ADAMTS12: variants seen among roughly 807,000 people sequenced by gnomAD.
ADAMTS12 encodes A disintegrin and metalloproteinase with thrombospondin motifs 12.
In ADAMTS12, 118 loss-of-function variants were observed where a neutral mutation model predicts 167.8. The ratio of observed to expected loss-of-function variants is 0.70; its 90% CI spans 0.61 to 0.82. ADAMTS12 has a LOEUF of 0.82. Among genes scored for constraint, ADAMTS12 ranks in the 40% least tolerant of loss-of-function variants. ADAMTS12 has a pLI of 0.00. For synonymous variants in ADAMTS12, 704 were observed against 716.9 expected, an observed-to-expected ratio of 0.98 and a Z score of 0.29; for missense variants, 1,916 against 1,998.8, an observed-to-expected ratio of 0.96 and a Z score of 0.79.
intron 5 of ADAMTS12, among the ~76,000 whole-genome samples, chr5:33,662,683 G>A (rs2112219705): frequency 2.0e-5 from 3 of 152,322 alleles, no homozygotes; most frequent in African/African-American, 7.2e-5. Flanking sequence ...GCATCTGCCT[G>A]GCTGGTAGCT....
At position 33,526,248 on chromosome 5, in the gene ADAMTS12, A is replaced by T. The variant is rs1743805324; in HGVS notation, c.*940T>A. On this transcript the variant is annotated 3_prime_UTR_variant, in exon 24 of 24. Transcript: ENST00000504830. ...GAGCTGGTCATAGTGGTCTTTGCAT[A>T]TACAGCCCCTGCAGCAAGACGATGG... 6.6e-6 allele frequency: 1 copy of T among 152,124 alleles called. No individual in the cohort carries two copies. The highest frequency in any genetic ancestry group is 1.5e-5 in the Non-Finnish European group (1 of 68,030). 9.4% of individuals were successfully genotyped at this position (152,124 alleles called of 1,614,324 possible).
chr5:33,848,172 G>A (rs1027131161), intron 2 of ADAMTS12, among the ~76,000 whole-genome samples: 2 of 151,568 alleles, frequency 1.3e-5, no homozygotes, highest in Non-Finnish European at 2.9e-5. Flanking sequence ...AGCCAAGATC[G>A]CACCACTGCA....
chr5:33,585,057 C>G (rs1035595565), intron 18 of ADAMTS12, among the ~76,000 whole-genome samples: 1 of 151,962 alleles, frequency 6.6e-6, no homozygotes, highest in African/African-American at 2.4e-5. Context: ...ATCCATCCAT[C>G]CATCCATCCA....
rs1196219893 is a variant in ADAMTS12 at position 33,704,828 on chromosome 5, T to C, written c.635-20773A>G. Among the ~76,000 whole-genome samples, 5 of 152,188 alleles carry C rather than the reference T, an allele frequency of 3.3e-5. No individual in the cohort carries two copies. The East Asian group carries it at 9.6e-4, about 29-fold the overall frequency. On this transcript the variant is annotated intron_variant, in intron 3 of 23. Transcript: ENST00000504830. ...TTGTGTCTTTTGCTGTGCAAAAGAT[T>C]TTTAGTTTGATATAGTCCCACTTGT...
Position 33,591,104 on chromosome 5 carries a change from G to C in ADAMTS12, c.2655-2295C>G, listed in dbSNP as rs72739403. ...TAAGTGTGTGTGTGTGTGTGTGTGT[G>C]TATGTGTGTGCCTATGTTTGAGATC... On this transcript the variant is annotated intron_variant, in intron 17 of 23. Coordinates refer to ENST00000504830, the MANE Select transcript of ADAMTS12 (RefSeq NM_030955.4). Among the ~76,000 whole-genome samples the C allele has an allele frequency of 1.8e-3, 271 of 148,850 alleles. 2 individuals are homozygous for C. The highest frequency in any genetic ancestry group is 6.1e-3 in the African/African-American group (242 of 39,880).
chr5:33,831,138 C>A (rs1379039804), intron 2 of ADAMTS12, among the ~76,000 whole-genome samples: 1 of 152,052 alleles, frequency 6.6e-6, no homozygotes, highest in Non-Finnish European at 1.5e-5. Context: ...TAGGCAAAAA[C>A]AATAGAGAAT....
intron 10 of ADAMTS12, 97 bp from the exon 11 acceptor site, chr5:33,642,052 C>T (rs1377432370): frequency 7.6e-7 from 1 of 1,308,692 alleles, no homozygotes. Context: ...TCTCTGCAAG[C>T]AAGCCGGCTT....
intron 2 of ADAMTS12, among the ~76,000 whole-genome samples, chr5:33,779,339 C>T (rs1287150322): frequency 6.6e-6 from 1 of 152,042 alleles, no homozygotes; most frequent in East Asian, 1.9e-4. Flanking sequence ...GTGCCTGCCA[C>T]CATGCCCAGC....
At chr5:33,657,094 T>C (rs1450615781) in intron 7 of ADAMTS12, among the ~76,000 whole-genome samples, 1 of 152,210 alleles carries the variant, frequency 6.6e-6, no homozygotes, top group Non-Finnish European at 1.5e-5. Flanking sequence ...GTCATAATAT[T>C]GGTCAGTAGA....
chr5:33,616,164 C>T, intron 14 of ADAMTS12, 92 bp from the exon 15 acceptor site: 2 of 1,509,908 alleles, frequency 1.3e-6, no homozygotes, highest in Admixed American at 2.0e-5. Context: ...CTCTTTCCAG[C>T]CTCCCCATCA....
At chr5:33,542,444 G>T (rs1387530740) in intron 22 of ADAMTS12, among the ~76,000 whole-genome samples, 1 of 152,124 alleles carries the variant, frequency 6.6e-6, no homozygotes, top group East Asian at 1.9e-4. Flanking sequence ...GTCAATATTA[G>T]ACAGATCAAG....
At chr5:33,662,388 A>T (rs747005127) in intron 5 of ADAMTS12, among the ~76,000 whole-genome samples, 13 of 152,246 alleles carry the variant, frequency 8.5e-5, no homozygotes, top group Non-Finnish European at 1.3e-4. Context: ...AAACCAATGC[A>T]ATATCAAAGA....
chr5:33,628,882 G>A (rs1456203561), intron 13 of ADAMTS12, among the ~76,000 whole-genome samples: 1 of 152,082 alleles, frequency 6.6e-6, no homozygotes, highest in Non-Finnish European at 1.5e-5. Context: ...GTCTTAACTG[G>A]CTCCCACAAA....
intron 9 of ADAMTS12, among the ~76,000 whole-genome samples, chr5:33,645,420 G>A (rs963725699): frequency 2.6e-5 from 4 of 151,892 alleles, no homozygotes; most frequent in African/African-American, 7.3e-5. Flanking sequence ...TTTGAGAATC[G>A]CGGCTTCATG....
In ADAMTS12 at chr5:33,576,613, C is replaced by A; in HGVS notation, c.3413G>T (p.Trp1138Leu). ...GLSSSRNPIT[W>L]PVTPFYNTLT... ...GGTATTGTAAAATGGAGTCACAGGC[C>A]AAGTGATAGGGTTGCGGGAAGATGA... The change falls in exon 19 of 24, where the codon TGG becomes TTG. Residue 1138 changes from tryptophan (W) to leucine (L), a missense_variant. Physicochemically the swap from Trp to Leu is moderately conservative, Grantham distance 61. Coordinates refer to ENST00000504830, the MANE Select transcript of ADAMTS12 (RefSeq NM_030955.4). The A allele has an allele frequency of 6.2e-7, 1 of 1,614,144 alleles. No individual in the cohort carries two copies. The highest frequency in any genetic ancestry group is 8.5e-7 in the Non-Finnish European group (1 of 1,180,042).
chr5:33,616,037 T>C lies in ADAMTS12; in HGVS notation c.2179A>G (p.Arg727Gly). ...TCAATTTCCATCACTCTTATGTCCC[T>C]TGCTCCTTTTGGAATGAGCCCAATG... ...VDIGLIPKGA[R>G]DIRVMEIEGA... Residue 727 changes from arginine (R) to glycine (G), a missense_variant, in exon 15 of 24, where the codon AGG becomes GGG. Arg to Gly is a moderately radical substitution (Grantham distance 125). Coordinates refer to ENST00000504830, the MANE Select transcript of ADAMTS12 (RefSeq NM_030955.4). 6.2e-7 allele frequency: 1 copy of C among 1,614,180 alleles called. No individual in the cohort carries two copies. Among genetic ancestry groups the C allele is most frequent in the Non-Finnish European group, 8.5e-7 (1 of 1,180,006 alleles).
chr5:33,547,500 G>A (rs530011412), intron 21 of ADAMTS12, among the ~76,000 whole-genome samples: 8 of 152,210 alleles, frequency 5.3e-5, no homozygotes, highest in South Asian at 2.1e-4. Flanking sequence ...AGATGGGTTC[G>A]TAACATTCCC....
intron 2 of ADAMTS12, among the ~76,000 whole-genome samples, chr5:33,818,146 C>CA (rs1167937948): frequency 2.0e-5 from 3 of 151,970 alleles, no homozygotes; most frequent in African/African-American, 4.8e-5. Flanking sequence ...TTTTCTACAA[C>CA]AAAAATCCCT....
At chr5:33,589,558 T>C (rs1018748295) in intron 17 of ADAMTS12, among the ~76,000 whole-genome samples, 4 of 152,166 alleles carry the variant, frequency 2.6e-5, no homozygotes, top group Non-Finnish European at 5.9e-5. Flanking sequence ...TACATAAAAG[T>C]AGCTTTTGAA....
Sources: allele counts gnomAD v4.1 joint callset (sites outside exome capture counted in the v4.1 genomes callset), GRCh38; gene constraint gnomAD v4.1.1; transcripts MANE v1.5; gene names NCBI Gene and HGNC (gene_info 2026-07-23, HGNC 2026-07-21).